Variants in PCLO observed in about 807,000 individuals in gnomAD.
PCLO encodes protein piccolo.
Under a neutral mutation model 427.5 loss-of-function variants are expected in PCLO, and 82 were observed. The observed-to-expected ratio is 0.19, with a 90% confidence interval of 0.16 to 0.23. The LOEUF (loss-of-function observed/expected upper bound fraction) is 0.23, where lower values mean the gene tolerates loss of function less well. Ranked by LOEUF, PCLO falls within the 10% of genes least tolerant of loss-of-function variation. The pLI is 1.00. For missense variants in PCLO, 6,239 were observed against 6,115.9 expected, an observed-to-expected ratio of 1.02 and a Z score of -0.67; for synonymous variants, 2,357 against 2,155.4, an observed-to-expected ratio of 1.09 and a Z score of -2.59.
In PCLO at chr7:82,824,389, G is replaced by A. The variant is rs1241877838; in HGVS notation, c.14443C>T (p.His4815Tyr). 1.2e-6 allele frequency: 2 copies of A among 1,607,294 alleles called. No individual in the cohort carries two copies. The highest frequency in any genetic ancestry group is 1.7e-6 in the Non-Finnish European group (2 of 1,176,594). Residue 4815 changes from histidine to tyrosine, a missense_variant, in exon 19 of 25, where the codon CAC becomes TAC. Around this residue, in one of 5 missense-constraint regions of PCLO, gnomAD observed 877 missense variants for 925.5 expected, o/e 0.95. Coordinates refer to ENST00000333891, the MANE Select transcript of PCLO (RefSeq NM_033026.6). ...TACCACCTTGGAGTGTTATCGAGGT[G>A]AGATGTGCTAGATAAATCAATCAAT... is the stretch of plus-strand genomic sequence containing the variant. ...EVLIDLSSTS[H>Y]LDNTPRWYPL...
chr7:82,836,340 G>T lies in PCLO; in HGVS notation c.14223-647C>A, dbSNP rs187252570. 3.3e-5 allele frequency among the ~76,000 whole-genome samples: 5 copies of T among 152,138 alleles called. No homozygotes were observed. The East Asian group carries it at 7.7e-4, about 24-fold the overall frequency. Reference sequence around the variant, plus strand: ...TGATTTCCCCTTGTATCATAATATTGTCATAAATAACATTGAAGGTCTAAT... The same window carrying T: ...TGATTTCCCCTTGTATCATAATATTTTCATAAATAACATTGAAGGTCTAAT... On this transcript the variant is annotated intron_variant, in intron 15 of 24. Transcript: ENST00000333891.
intron 3 of PCLO, among the ~76,000 whole-genome samples, chr7:83,125,672 G>A (rs2116582396): frequency 1.3e-5 from 2 of 152,230 alleles, no homozygotes; most frequent in South Asian, 4.2e-4. Flanking sequence ...TTGTTAAACA[G>A]ATGCTTGAAG....
chr7:82,940,560 G>A (rs956195801), intron 6 of PCLO, among the ~76,000 whole-genome samples: 14 of 152,076 alleles, frequency 9.2e-5, no homozygotes, highest in Admixed American at 3.3e-4. Context: ...AAAGGAAGAG[G>A]GAATGGCGAG....
At chr7:82,835,770 A>C (rs1792218247) in intron 15 of PCLO, 77 bp from the exon 16 acceptor site, 1 of 1,076,336 alleles carries the variant, frequency 9.3e-7, no homozygotes, top group African/African-American at 1.6e-5. Context: ...AGTTAGGAAC[A>C]GAAATAAGAA....
In PCLO at chr7:82,824,394, G is replaced by A; in HGVS notation, c.14438C>T (p.Thr4813Ile). The change falls in exon 19 of 25, where the codon ACA (threonine) becomes ATA (isoleucine). Residue 4813 changes from threonine to isoleucine, a missense_variant. By Grantham distance (89) the Thr-to-Ile change is moderately conservative (BLOSUM62 -1). Coordinates refer to ENST00000333891, the MANE Select transcript of PCLO (RefSeq NM_033026.6). ...CCTTGGAGTGTTATCGAGGTGAGAT[G>A]TGCTAGATAAATCAATCAATACCTG... is the stretch of plus-strand genomic sequence containing the variant. ...LGEVLIDLSS[T>I]SHLDNTPRWY... The A allele has an allele frequency of 2.5e-6, 4 of 1,602,786 alleles. No individual in the cohort carries two copies. The highest frequency in any genetic ancestry group is 3.4e-6 in the Non-Finnish European group (4 of 1,173,564).
intron 9 of PCLO, among the ~76,000 whole-genome samples, chr7:82,894,230 A>T (rs958985424): frequency 7.9e-5 from 12 of 152,102 alleles, no homozygotes; most frequent in Non-Finnish European, 1.3e-4. Context: ...CAACCATTTC[A>T]GCATTCTGGA....
chr7:82,845,812 T>C (rs1792486649), intron 12 of PCLO, among the ~76,000 whole-genome samples: 2 of 152,162 alleles, frequency 1.3e-5, no homozygotes, highest in African/African-American at 4.8e-5. Flanking sequence ...TTTGTATGAT[T>C]AGCTGTTTTT....
At chr7:82,942,525 T>C (rs966753731) in intron 6 of PCLO, among the ~76,000 whole-genome samples, 3 of 152,158 alleles carry the variant, frequency 2.0e-5, no homozygotes, top group African/African-American at 4.8e-5. Context: ...ATATTTATTA[T>C]AGTGAATAGG....
At chr7:82,951,652 G>C (rs1208573003) in intron 5 of PCLO, among the ~76,000 whole-genome samples, 162 bp from the exon 6 acceptor site, 1 of 146,752 alleles carries the variant, frequency 6.8e-6, no homozygotes, top group African/African-American at 2.8e-5. Flanking sequence ...ACATGCAGGC[G>C]CATGCAGTGA....
intron 3 of PCLO, among the ~76,000 whole-genome samples, chr7:83,113,895 A>T (rs1791066588): frequency 6.6e-6 from 1 of 152,152 alleles, no homozygotes; most frequent in Non-Finnish European, 1.5e-5. Flanking sequence ...TATTTAGTCA[A>T]ATAATTTAAA....
At chr7:83,114,160 C>T (rs577870851) in intron 3 of PCLO, among the ~76,000 whole-genome samples, 25 of 152,212 alleles carry the variant, frequency 1.6e-4, no homozygotes, top group African/African-American at 5.8e-4. Flanking sequence ...TTTTCCTTCA[C>T]TGAATAAACA....
At chr7:83,096,611 T>TA (rs1296474100) in intron 3 of PCLO, among the ~76,000 whole-genome samples, 1 of 150,468 alleles carries the variant, frequency 6.6e-6, no homozygotes, top group Non-Finnish European at 1.5e-5. Context: ...TAGGTGGGAT[T>TA]GCCATCAAAA....
chr7:83,125,959 A>T (rs1417181971), intron 3 of PCLO, among the ~76,000 whole-genome samples: 1 of 152,210 alleles, frequency 6.6e-6, no homozygotes, highest in Admixed American at 6.5e-5. Context: ...CACAATAGCC[A>T]ATATTTGGAA....
chr7:82,854,321 G>T (rs1209374496), intron 10 of PCLO, among the ~76,000 whole-genome samples: 3 of 152,016 alleles, frequency 2.0e-5, no homozygotes, highest in Non-Finnish European at 4.4e-5. Flanking sequence ...AAATCTACAT[G>T]CCAAGCAGAC....
At chr7:83,049,575 G>A (rs1789183913) in intron 3 of PCLO, among the ~76,000 whole-genome samples, 1 of 152,168 alleles carries the variant, frequency 6.6e-6, no homozygotes, top group Non-Finnish European at 1.5e-5. Context: ...CTGTGTGACA[G>A]CAAGGGTCTA....
At chr7:83,086,553 A>G (rs941511003) in intron 3 of PCLO, among the ~76,000 whole-genome samples, 1 of 152,196 alleles carries the variant, frequency 6.6e-6, no homozygotes, top group Non-Finnish European at 1.5e-5. Flanking sequence ...TTTAAATGGC[A>G]AACAACCCAT....
intron 22 of PCLO, among the ~76,000 whole-genome samples, chr7:82,762,181 G>C (rs1790445546): frequency 6.6e-6 from 1 of 152,004 alleles, no homozygotes; most frequent in Non-Finnish European, 1.5e-5. Flanking sequence ...ATTATAAAAA[G>C]AGGAAAGGTT....
intron 3 of PCLO, among the ~76,000 whole-genome samples, chr7:83,078,704 C>A (rs757014464): frequency 1.3e-5 from 2 of 151,770 alleles, no homozygotes; most frequent in African/African-American, 2.4e-5. Flanking sequence ...GCTAATTTTT[C>A]GTATTTTAGT....
chr7:82,965,313 T>C (rs1198379963), intron 4 of PCLO, among the ~76,000 whole-genome samples: 1 of 149,610 alleles, frequency 6.7e-6, no homozygotes, highest in Admixed American at 6.7e-5. Flanking sequence ...TTTTTCTTTC[T>C]TTCTTTTTTT....
Sources: gnomAD v4.1 joint callset for allele counts (sites outside exome capture counted in the v4.1 genomes callset) on GRCh38, gnomAD v4.1.1 for gene constraint, gnomAD v4.1.1 regional missense constraint, MANE v1.5 for transcripts, NCBI Gene and HGNC (gene_info 2026-07-23, HGNC 2026-07-21) for gene names.